Variants in DRC2 observed in about 807,000 individuals in gnomAD.
DRC2 encodes coiled-coil domain containing 65.
the DRC2 span, among the ~76,000 whole-genome samples, chr12:48,913,742 G>A: frequency 0.33 from 49,381 of 151,202 alleles, 9,066 homozygotes; most frequent in Admixed American, 0.47. Flanking sequence ...TGATCCACCC[G>A]CCTTGGCCTC....
the DRC2 span, chr12:48,918,104 G>A: frequency 1.6e-6 from 1 of 612,838 alleles, no homozygotes; most frequent in Non-Finnish European, 2.8e-6. Context: ...GCCCCACCCG[G>A]CCCACAAAAC....
At chr12:48,914,519 A>G in the DRC2 span, 5 of 1,614,054 alleles carry the variant, frequency 3.1e-6, no homozygotes, top group African/African-American at 4.0e-5. Flanking sequence ...AGTCTCCTGG[A>G]GGAAAGTTAC....
the DRC2 span, among the ~76,000 whole-genome samples, chr12:48,906,590 G>A: frequency 6.8e-6 from 1 of 147,988 alleles, no homozygotes; most frequent in Non-Finnish European, 1.5e-5. Context: ...AGCCACTGAG[G>A]AGTTTCACTC....
At chr12:48,914,615 A>T in the DRC2 span, 17 of 1,593,136 alleles carry the variant, frequency 1.1e-5, no homozygotes, top group East Asian at 3.6e-4. Flanking sequence ...AATCCAGGGG[A>T]GTGCCCAGAG....
At chr12:48,904,437 A>G in the DRC2 span, 1 of 1,613,996 alleles carries the variant, frequency 6.2e-7, no homozygotes, top group Non-Finnish European at 8.5e-7. Flanking sequence ...ATGGCCAAAA[A>G]GAAGGAGAGG....
chr12:48,917,758 G>T, the DRC2 span, among the ~76,000 whole-genome samples: 2 of 152,188 alleles, frequency 1.3e-5, no homozygotes, highest in African/African-American at 4.8e-5. Context: ...CTGCTGGTTT[G>T]TGGTAGAATC....
chr12:48,915,856 G>A, the DRC2 span, among the ~76,000 whole-genome samples: 103 of 150,874 alleles, frequency 6.8e-4, no homozygotes, highest in African/African-American at 2.2e-3. Flanking sequence ...GGCAGCTGCC[G>A]GGCGGAGGGT....
the DRC2 span, chr12:48,921,544 G>A: frequency 6.7e-7 from 1 of 1,487,430 alleles, no homozygotes; most frequent in Non-Finnish European, 8.9e-7. Flanking sequence ...AGAAATGTAG[G>A]GATGTTGCTA....
At chr12:48,911,388 G>C in the DRC2 span, among the ~76,000 whole-genome samples, 1 of 151,792 alleles carries the variant, frequency 6.6e-6, no homozygotes, top group Non-Finnish European at 1.5e-5. Flanking sequence ...GCAAAAACCT[G>C]TCTACAAAAA....
the DRC2 span, among the ~76,000 whole-genome samples, chr12:48,907,466 A>G: frequency 6.6e-6 from 1 of 152,164 alleles, no homozygotes; most frequent in Non-Finnish European, 1.5e-5. Context: ...GCAGCTTATG[A>G]TAACAGTTCT....
At chr12:48,911,280 C>T in the DRC2 span, among the ~76,000 whole-genome samples, 1 of 151,916 alleles carries the variant, frequency 6.6e-6, no homozygotes, top group Non-Finnish European at 1.5e-5. Context: ...AGAGATGGGG[C>T]CAGGCACAGT....
chr12:48,914,559 G>T, the DRC2 span: 2 of 1,614,020 alleles, frequency 1.2e-6, no homozygotes, highest in South Asian at 2.2e-5. Context: ...TAACCAAGGA[G>T]TTTGAGACAG....
At chr12:48,920,455 A>ATT in the DRC2 span, among the ~76,000 whole-genome samples, 3 of 148,236 alleles carry the variant, frequency 2.0e-5, no homozygotes, top group Admixed American at 2.0e-4. Context: ...AAAAAAAAAA[A>ATT]AAAAAAAAAA....
the DRC2 span, among the ~76,000 whole-genome samples, chr12:48,912,726 T>C: frequency 6.6e-6 from 1 of 152,162 alleles, no homozygotes. Context: ...ATGGGAGATA[T>C]TGCTGTGATT....
the DRC2 span, chr12:48,914,647 T>C: frequency 1.2e-5 from 17 of 1,406,494 alleles, no homozygotes; most frequent in East Asian, 4.0e-4. Flanking sequence ...GAGTTGCCTG[T>C]AAGCAAGTGG....
chr12:48,910,575 T>G, the DRC2 span, among the ~76,000 whole-genome samples: 1 of 152,198 alleles, frequency 6.6e-6, no homozygotes, highest in South Asian at 2.1e-4. Flanking sequence ...TACACTCACA[T>G]TATTCAAAAT....
chr12:48,919,222 T>C, the DRC2 span, among the ~76,000 whole-genome samples: 294 of 42,906 alleles, frequency 6.9e-3, 1 homozygote, highest in Admixed American at 0.059. Flanking sequence ...CCCTTCCTAC[T>C]TTTTTTTTTT....
At chr12:48,919,291 A>G in the DRC2 span, among the ~76,000 whole-genome samples, 3 of 150,174 alleles carry the variant, frequency 2.0e-5, no homozygotes, top group Non-Finnish European at 4.4e-5. Flanking sequence ...CAGTGGCACC[A>G]TCTTGGCTCA....
chr12:48,904,440 A>G, the DRC2 span: 1 of 1,614,052 alleles, frequency 6.2e-7, no homozygotes. Flanking sequence ...GCCAAAAAGA[A>G]GGAGAGGCTC....
Sources: allele counts gnomAD v4.1 joint callset (sites outside exome capture counted in the v4.1 genomes callset), GRCh38; gene constraint gnomAD v4.1.1; transcripts MANE v1.5; gene names NCBI Gene and HGNC (gene_info 2026-07-23, HGNC 2026-07-21).